TWIST2: variants seen among roughly 807,000 people sequenced by gnomAD.
TWIST2 encodes twist family bHLH transcription factor 2.
TWIST2 carries 1 observed loss-of-function variant against 11.6 expected under a neutral mutation model. That is an observed-to-expected ratio of 0.09 (90% CI 0.03 to 0.41). The LOEUF (loss-of-function observed/expected upper bound fraction) is 0.41, where lower values mean the gene tolerates loss of function less well. TWIST2 is among the 10% of genes least tolerant of loss of function. The pLI is 0.98. For missense variants in TWIST2, 168 were observed against 226.4 expected, an observed-to-expected ratio of 0.74 and a Z score of 1.66; for synonymous variants, 87 against 96.6, an observed-to-expected ratio of 0.90 and a Z score of 0.58.
chr2:238,896,241 T>C (rs1046771318), intron 1 of TWIST2, among the ~76,000 whole-genome samples: 4 of 152,018 alleles, frequency 2.6e-5, no homozygotes, highest in Non-Finnish European at 1.5e-5. Context: ...GAACGCCCCA[T>C]GTGTGGGGCA....
Position 238,848,422 on chromosome 2 carries a change from C to A in TWIST2, c.207C>A (p.Ile69=). ...TCGAGGAGCTGCAGAGCCAGCGCATCCTGGCCAACGTGCGCGAGCGCCAGC... is the reference window on the plus strand; with the variant it reads ...TCGAGGAGCTGCAGAGCCAGCGCATACTGGCCAACGTGCGCGAGCGCCAGC... ...QSFEELQSQR[I]LANVRERQRT... is the part of the protein sequence containing the mutation. The change falls in exon 1 of 2, where the codon ATC becomes ATA. Residue 69 remains isoleucine (I), a synonymous_variant. Coordinates refer to ENST00000612363, the MANE Select transcript of TWIST2 (RefSeq NM_001271893.4). The A allele has an allele frequency of 6.5e-7, 1 of 1,541,506 alleles. No individual in the cohort carries two copies.
In TWIST2 at chr2:238,866,336, T is replaced by C. The variant is rs1451418535; in HGVS notation, c.*35+17603T>C. Among the ~76,000 whole-genome samples, 2 of 152,174 alleles carry C rather than the reference T, an allele frequency of 1.3e-5. No individual in the cohort carries two copies. The highest frequency in any genetic ancestry group is 3.9e-4 in the East Asian group (2 of 5,184). On this transcript the variant is annotated intron_variant, in intron 1 of 1. Transcript: ENST00000612363. This position sits in a 1 kb window ranked among gnomAD's most constrained non-coding sequence, Gnocchi z 4.9. ...GCCAGTAAGAACAGGGGTGAGGAGATGAGCAAACCCACATGCTTGTTCTTA... is the reference window on the plus strand; with the variant it reads ...GCCAGTAAGAACAGGGGTGAGGAGACGAGCAAACCCACATGCTTGTTCTTA...
intron 1 of TWIST2, among the ~76,000 whole-genome samples, chr2:238,907,895 C>CA: frequency 8.6e-4 from 1 of 1,164 alleles, no homozygotes; most frequent in South Asian, 0.023. Context: ...AAACACACTA[C>CA]ACCCCCACTT....
intron 1 of TWIST2, among the ~76,000 whole-genome samples, chr2:238,894,869 G>A (rs985943057): frequency 6.6e-6 from 1 of 152,240 alleles, no homozygotes; most frequent in Admixed American, 6.5e-5. Flanking sequence ...TTTAATCTCT[G>A]TATTATAATA....
intron 1 of TWIST2, among the ~76,000 whole-genome samples, chr2:238,876,616 T>C (rs1212679177): frequency 6.6e-6 from 1 of 152,184 alleles, no homozygotes; most frequent in Non-Finnish European, 1.5e-5. Flanking sequence ...CAGTAGGAGC[T>C]TAGATTAAAT....
chr2:238,907,513 A>AGAAG (rs1693373479), intron 1 of TWIST2, among the ~76,000 whole-genome samples: 1 of 152,120 alleles, frequency 6.6e-6, no homozygotes, highest in African/African-American at 2.4e-5. Flanking sequence ...TTGCAGCCCC[A>AGAAG]GAGCTGCACC....
At chr2:238,853,476 A>T (rs944591059) in intron 1 of TWIST2, among the ~76,000 whole-genome samples, 14 of 151,712 alleles carry the variant, frequency 9.2e-5, no homozygotes, top group Admixed American at 2.6e-4. Context: ...AGAGAGAGAG[A>T]GAGAAACTCA....
intron 1 of TWIST2, among the ~76,000 whole-genome samples, chr2:238,898,187 C>T (rs1401687557): frequency 6.6e-6 from 1 of 152,236 alleles, no homozygotes; most frequent in Non-Finnish European, 1.5e-5. Context: ...TGCCTGTAAC[C>T]AGCTGCCCCT....
In TWIST2 at chr2:238,863,052, T is replaced by TA. The variant is rs201601802; in HGVS notation, c.*35+14321dup. ...TTTCCTTCTTATGTTTTTTTTTTTT[T>TA]AATTTCTAGATTTTCTACAGATGCC... On this transcript the variant is annotated intron_variant, in intron 1 of 1. Coordinates refer to ENST00000612363, the MANE Select transcript of TWIST2 (RefSeq NM_001271893.4). The surrounding 1 kb of genome is among the most constrained non-coding windows in gnomAD (Gnocchi z 4.7). Among the ~76,000 whole-genome samples the TA allele has an allele frequency of 0.047, 6,794 of 145,408 alleles. 524 individuals carry two copies. The highest frequency in any genetic ancestry group is 0.16 in the African/African-American group (6,400 of 40,402).
intron 1 of TWIST2, among the ~76,000 whole-genome samples, chr2:238,891,392 T>C (rs972023355): frequency 2.6e-5 from 4 of 152,232 alleles, no homozygotes; most frequent in Admixed American, 2.6e-4. Context: ...AGCACCTGTG[T>C]GTCTCCTCAA....
rs1186327905 is a variant in TWIST2, at chr2:238,895,843, C to T, written c.*36-13999C>T. 2.6e-5 allele frequency among the ~76,000 whole-genome samples: 4 copies of T among 152,248 alleles called. No individual in the cohort carries two copies. In the East Asian group the frequency reaches 5.8e-4, roughly 22 times the overall value. ...CTGGGGGCTCCAAGCAGGAAGGAGC[C>T]GGCCTGGTCCGCTGCAGACAAGCTC... is the stretch of plus-strand genomic sequence containing the variant. On this transcript the variant is annotated intron_variant, in intron 1 of 1. Coordinates refer to ENST00000612363, the MANE Select transcript of TWIST2 (RefSeq NM_001271893.4).
rs1395291081 is a variant in TWIST2 at position 238,889,772 on chromosome 2, A to C, written c.*36-20070A>C. ...TGACGGCTCTGATGCTCTGATACTCAGTGCGTTCATTACAGATTTCTTAAT... is the reference window on the plus strand; with the variant it reads ...TGACGGCTCTGATGCTCTGATACTCCGTGCGTTCATTACAGATTTCTTAAT... On this transcript the variant is annotated intron_variant, in intron 1 of 1. Transcript: ENST00000612363. Among the ~76,000 whole-genome samples, 4 of 152,208 alleles carry C rather than the reference A, an allele frequency of 2.6e-5. No individual in the cohort carries two copies. The East Asian group carries it at 7.7e-4, about 29-fold the overall frequency.
intron 1 of TWIST2, among the ~76,000 whole-genome samples, chr2:238,897,376 G>A (rs1259068020): frequency 6.6e-6 from 1 of 152,154 alleles, no homozygotes; most frequent in Non-Finnish European, 1.5e-5. Context: ...TTGGCCAGGA[G>A]GAGGGGAGCC....
rs1278968536 is a variant in TWIST2, at chr2:238,864,385, T to C, written c.*35+15652T>C. Among the ~76,000 whole-genome samples the C allele has an allele frequency of 1.3e-5, 2 of 152,238 alleles. No homozygotes were observed. The highest frequency in any genetic ancestry group is 4.8e-5 in the African/African-American group (2 of 41,466). ...TAGTCCCCTCCGCGGGCCTCCTGCA[T>C]GAATCAGAGCCGACTGGGAGCAGGA... On this transcript the variant is annotated intron_variant, in intron 1 of 1. Coordinates refer to ENST00000612363, the MANE Select transcript of TWIST2 (RefSeq NM_001271893.4). This position sits in a 1 kb window ranked among gnomAD's most constrained non-coding sequence, Gnocchi z 4.7.
chr2:238,901,650 G>C (rs948785998), intron 1 of TWIST2, among the ~76,000 whole-genome samples: 49 of 152,272 alleles, frequency 3.2e-4, no homozygotes, highest in African/African-American at 1.1e-3. Context: ...TGGTTGACTC[G>C]GGGTGGCTGA....
In TWIST2 at chr2:238,859,883, C is replaced by T. The variant is rs570145870; in HGVS notation, c.*35+11150C>T. Among the ~76,000 whole-genome samples the T allele has an allele frequency of 1.9e-4, 29 of 152,290 alleles. 1 individual carries two copies. The South Asian group carries it at 5.6e-3, about 29-fold the overall frequency. ...GCTTTTTGTGACATGTTGAGTACACCTCTTGAAGCCTCTCCACAGTAGACT... is the reference window on the plus strand; with the variant it reads ...GCTTTTTGTGACATGTTGAGTACACTTCTTGAAGCCTCTCCACAGTAGACT... On this transcript the variant is annotated intron_variant, in intron 1 of 1. Transcript: ENST00000612363.
At chr2:238,894,957 T>C (rs1452819564) in intron 1 of TWIST2, among the ~76,000 whole-genome samples, 1 of 152,246 alleles carries the variant, frequency 6.6e-6, no homozygotes, top group Non-Finnish European at 1.5e-5. Context: ...TATTGTACTT[T>C]TATTATTACA....
At chr2:238,889,679 C>T (rs72988251) in intron 1 of TWIST2, among the ~76,000 whole-genome samples, 19,448 of 152,244 alleles carry the variant, frequency 0.13, 1,628 homozygotes, top group East Asian at 0.43. Flanking sequence ...TAGTCCTCTA[C>T]GGCCCCATTG....
At chr2:238,853,433 G>A (rs1441479136) in intron 1 of TWIST2, among the ~76,000 whole-genome samples, 1 of 115,714 alleles carries the variant, frequency 8.6e-6, no homozygotes, top group Admixed American at 9.7e-5. Flanking sequence ...GAGAGAGAAG[G>A]AGAGAGGGAG....
Sources: allele counts gnomAD v4.1 joint callset (sites outside exome capture counted in the v4.1 genomes callset), GRCh38; gene constraint gnomAD v4.1.1; non-coding constraint Gnocchi (gnomAD v3.1); transcripts MANE v1.5; gene names NCBI Gene and HGNC (gene_info 2026-07-23, HGNC 2026-07-21).